POTEE: variants seen among roughly 807,000 people sequenced by gnomAD.
POTEE encodes ANKRD26-like family C member 1A.
A neutral mutation model predicts 74.2 loss-of-function variants in POTEE; 21 were observed. That is an observed-to-expected ratio of 0.28 (90% CI 0.20 to 0.41). POTEE has a LOEUF of 0.41. POTEE is among the 10% of genes least tolerant of loss of function. POTEE has a pLI of 1.00. For synonymous variants in POTEE, 211 were observed against 432.8 expected (o/e 0.49, Z 6.36); for missense variants, 525 against 1,158.6 (o/e 0.45, Z 7.94).
At chr2:131,217,005 A>T (rs1700456771) in intron 2 of POTEE, among the ~76,000 whole-genome samples, 1 of 152,274 alleles carries the variant, frequency 6.6e-6, no homozygotes, top group Admixed American at 6.5e-5. Context: ...AATCGTGGTG[A>T]TTGTTTAACT....
chr2:131,214,552 G>T (rs1286952410), intron 2 of POTEE, among the ~76,000 whole-genome samples: 1 of 152,188 alleles, frequency 6.6e-6, no homozygotes, highest in African/African-American at 2.4e-5. Context: ...GAAGTGTTGT[G>T]TATGTGATGT....
At position 131,263,822 on chromosome 2, in the gene POTEE, C is replaced by G. The variant is rs764339068; in HGVS notation, c.2367C>G (p.Thr789=). 1 of 1,613,960 alleles carries G rather than the reference C, an allele frequency of 6.2e-7. No homozygotes were observed. The highest frequency in any genetic ancestry group is 1.7e-5 in the Admixed American group (1 of 60,014). The change falls in exon 18 of 18, where the codon ACC becomes ACG. Residue 789 remains threonine, a synonymous_variant. Transcript: ENST00000683005. ...ACATGGAGAAGATCTGGCACCACAC[C>G]TTCTACAACGAGCTGCGTGTGGCTC... ...WDDMEKIWHH[T]FYNELRVAPE...
chr2:131,251,261 G>C (rs866923075), intron 14 of POTEE, among the ~76,000 whole-genome samples: 3,949 of 29,044 alleles, frequency 0.14, 1,017 homozygotes, highest in African/African-American at 0.26. Context: ...GAGACTCCAT[G>C]TGAAAAAAAA....
intron 2 of POTEE, among the ~76,000 whole-genome samples, chr2:131,213,011 A>G (rs1700388464): frequency 6.7e-6 from 1 of 150,122 alleles, no homozygotes; most frequent in Non-Finnish European, 1.5e-5. Flanking sequence ...CCCAGGCTGT[A>G]GTACGATGGC....
intron 8 of POTEE, among the ~76,000 whole-genome samples, chr2:131,230,307 C>T (rs1337465365): frequency 6.6e-6 from 1 of 152,138 alleles, no homozygotes; most frequent in Non-Finnish European, 1.5e-5. Context: ...TATATTAGAA[C>T]CTATGAACAA....
intron 6 of POTEE, 123 bp from the exon 7 acceptor site, chr2:131,226,700 G>C: frequency 6.8e-7 from 1 of 1,469,588 alleles, no homozygotes; most frequent in Non-Finnish European, 9.2e-7. Flanking sequence ...AGAAGGAAGC[G>C]AGTACATTTT....
chr2:131,229,289 GT>G (rs1449967661), intron 8 of POTEE, among the ~76,000 whole-genome samples: 1 of 152,148 alleles, frequency 6.6e-6, no homozygotes. Context: ...GTCAGTGTTT[GT>G]TTCCTCTTTG....
chr2:131,210,191 A>G (rs1203463366), intron 1 of POTEE, among the ~76,000 whole-genome samples: 4 of 127,770 alleles, frequency 3.1e-5, no homozygotes, highest in African/African-American at 9.4e-5. Context: ...CACTGCCCTT[A>G]CTCAGGGTGC....
chr2:131,256,657 T>G (rs375787031), intron 16 of POTEE, among the ~76,000 whole-genome samples: 10 of 121,284 alleles, frequency 8.2e-5, no homozygotes, highest in African/African-American at 2.3e-4. Flanking sequence ...TTCTTCTAGC[T>G]TACTGTTTCC....
At position 131,211,029 on chromosome 2, in the gene POTEE, C is replaced by G. The variant is rs1447477727; in HGVS notation, c.-343C>G. 2.0e-5 allele frequency among the ~76,000 whole-genome samples: 3 copies of G among 150,684 alleles called. No homozygotes were observed. The highest frequency in any genetic ancestry group is 2.0e-4 in the Admixed American group (3 of 15,240). On this transcript the variant is annotated splice_region_variant and 5_prime_UTR_variant, in exon 2 of 18. Coordinates refer to ENST00000683005, the MANE Select transcript of POTEE (RefSeq NM_001083538.3). ...ACCACTCCCTGCATCCCATTCTAGG[C>G]TTTTCTGGCTTTGCCGGTCTAGCTG...
At chr2:131,210,779 C>T (rs1489177082) in intron 1 of POTEE, among the ~76,000 whole-genome samples, 1 of 148,334 alleles carries the variant, frequency 6.7e-6, no homozygotes, top group Admixed American at 6.7e-5. Flanking sequence ...CTGAGTTTCT[C>T]CTACTCCTGC....
rs1701791815 is a variant in POTEE, at chr2:131,263,606, C to G, written c.2151C>G (p.Cys717Trp). The G allele has an allele frequency of 3.1e-6, 5 of 1,597,768 alleles. No homozygotes were observed. The East Asian group carries it at 1.1e-4, about 36-fold the overall frequency. Residue 717 changes from cysteine (C) to tryptophan (W), a missense_variant, in exon 18 of 18, where the codon TGC becomes TGG. Coordinates refer to ENST00000683005, the MANE Select transcript of POTEE (RefSeq NM_001083538.3). Reference protein sequence around the residue: ...VLVIDNGSGMCKAGFAGDDAP... With the variant: ...VLVIDNGSGMWKAGFAGDDAP... Reference sequence around the variant, plus strand: ...TCATTGACAACGGCTCTGGCATGTGCAAGGCCGGCTTTGCGGGCGACGATG... The same window carrying G: ...TCATTGACAACGGCTCTGGCATGTGGAAGGCCGGCTTTGCGGGCGACGATG...
intron 13 of POTEE, among the ~76,000 whole-genome samples, chr2:131,249,108 C>CAA (rs1427712521): frequency 9.3e-6 from 1 of 107,344 alleles, no homozygotes; most frequent in Non-Finnish European, 1.9e-5. Context: ...ATTGCTGACT[C>CAA]AAACACAATG....
chr2:131,220,369 A>G (rs1174230105), intron 4 of POTEE, among the ~76,000 whole-genome samples: 1 of 151,010 alleles, frequency 6.6e-6, no homozygotes, highest in African/African-American at 2.4e-5. Flanking sequence ...ACGCCTGGCT[A>G]ATTGCTTTGT....
chr2:131,209,972 G>A (rs1350443224), intron 1 of POTEE, among the ~76,000 whole-genome samples, 153 bp downstream of exon 1: 3 of 137,702 alleles, frequency 2.2e-5, no homozygotes, highest in African/African-American at 2.8e-5. Context: ...GGGCGGTTTT[G>A]GCTGGCTGTC....
At chr2:131,235,207 C>T (rs1701089840) in intron 9 of POTEE, among the ~76,000 whole-genome samples, 1 of 149,138 alleles carries the variant, frequency 6.7e-6, no homozygotes, top group Admixed American at 6.7e-5. Context: ...CTAGAAAAGC[C>T]ATCCCTGACA....
intron 12 of POTEE, among the ~76,000 whole-genome samples, chr2:131,243,008 AAGAC>A (rs1458111384): frequency 4.3e-5 from 5 of 117,598 alleles, no homozygotes; most frequent in East Asian, 5.7e-4. Context: ...TAAGAAGAAG[AAGAC>A]AAAGGGTAAA....
rs781309939 is a variant in POTEE, at chr2:131,218,790, G to A, written c.388G>A (p.Glu130Lys). The change falls in exon 4 of 18, where the codon GAG becomes AAG. Residue 130 changes from glutamate (E) to lysine (K), a missense_variant. Physicochemically the swap from Glu to Lys is moderately conservative, Grantham distance 56. Transcript: ENST00000683005. Reference protein sequence around the residue: ...WGDYDDSAFMEPRYHVRGEDL... With the variant: ...WGDYDDSAFMKPRYHVRGEDL... ...AGACTACGATGACAGCGCCTTCATG[G>A]AGCCCAGGTACCACGTCCGTGGAGA... is the stretch of plus-strand genomic sequence containing the variant. 4.3e-6 allele frequency: 7 copies of A among 1,612,658 alleles called. No homozygotes were observed. Among genetic ancestry groups the A allele is most frequent in the Middle Eastern group, 2.0e-4 (1 of 5,074 alleles).
Position 131,263,910 on chromosome 2 carries a change from A to T in POTEE, c.2455A>T (p.Met819Leu), listed in dbSNP as rs752164321. ...PLNPKANREK[M>L]TQIMFETFNT... ...GAACCCCAAGGCCAACCGCGAGAAG[A>T]TGACCCAGATCATGTTTGAGACCTT... Residue 819 changes from methionine (M) to leucine (L), a missense_variant, in exon 18 of 18, where the codon ATG (methionine) becomes TTG (leucine). Coordinates refer to ENST00000683005, the MANE Select transcript of POTEE (RefSeq NM_001083538.3). 2.5e-6 allele frequency: 4 copies of T among 1,614,158 alleles called. No homozygotes were observed. The highest frequency in any genetic ancestry group is 2.2e-5 in the South Asian group (2 of 91,082).
Sources: allele counts gnomAD v4.1 joint callset (sites outside exome capture counted in the v4.1 genomes callset), GRCh38; gene constraint gnomAD v4.1.1; transcripts MANE v1.5; gene names NCBI Gene and HGNC (gene_info 2026-07-23, HGNC 2026-07-21).